Variants in SLC26A7 observed in about 807,000 individuals in gnomAD.
SLC26A7 encodes anion exchange transporter.
A neutral mutation model predicts 82.5 loss-of-function variants in SLC26A7; 59 were observed. The ratio of observed to expected loss-of-function variants is 0.72; its 90% CI spans 0.58 to 0.89. The LOEUF is 0.89. Ranked by LOEUF, SLC26A7 falls within the 40% of genes least tolerant of loss-of-function variation. The pLI, the probability that SLC26A7 is intolerant of heterozygous loss-of-function variation, is 0.00. For missense variants in SLC26A7, 820 were observed against 793.0 expected (o/e 1.03, Z -0.41); for synonymous variants, 271 against 274.3 (o/e 0.99, Z 0.12).
chr8:91,229,132 C>G (rs1216599215), intron 2 of SLC26A7, among the ~76,000 whole-genome samples: 3 of 152,168 alleles, frequency 2.0e-5, no homozygotes, highest in African/African-American at 7.2e-5. Flanking sequence ...GTCTCTCTCT[C>G]CATATGTTAT....
chr8:91,334,156 C>G (rs1813173630), intron 5 of SLC26A7, 139 bp from the exon 6 acceptor site: 2 of 739,582 alleles, frequency 2.7e-6, no homozygotes, highest in Non-Finnish European at 4.3e-6. Flanking sequence ...CACTGACTAC[C>G]CGCCTACCTA....
rs1163490591 is a variant in SLC26A7, at chr8:91,396,315, C to T, written c.*1218C>T. On this transcript the variant is annotated 3_prime_UTR_variant, in exon 19 of 19. Transcript: ENST00000276609. ...ATAATTATGCTTAAGCTTTTAACAGCATTTTAACCGCTCTAAAAATTACCA... is the reference window on the plus strand; with the variant it reads ...ATAATTATGCTTAAGCTTTTAACAGTATTTTAACCGCTCTAAAAATTACCA... 2.0e-5 allele frequency: 3 copies of T among 151,998 alleles called. No homozygotes were observed. The highest frequency in any genetic ancestry group is 7.2e-5 in the African/African-American group (3 of 41,436). The allele number at this position is 151,998 out of a possible 1,614,324, so 9.4% of individuals were successfully genotyped here.
chr8:91,370,052 A>C (rs1309803588), intron 15 of SLC26A7, among the ~76,000 whole-genome samples: 1 of 151,922 alleles, frequency 6.6e-6, no homozygotes, highest in Non-Finnish European at 1.5e-5. Context: ...TTATCTGCAG[A>C]AAACAGATTT....
At chr8:91,220,613 G>C (rs1043991366) in intron 2 of SLC26A7, among the ~76,000 whole-genome samples, 2 of 152,046 alleles carry the variant, frequency 1.3e-5, no homozygotes, top group African/African-American at 4.8e-5. Flanking sequence ...TTGGTTTTCT[G>C]TTCCCGTGCT....
chr8:91,251,698 A>G (rs567104800), intron 2 of SLC26A7, among the ~76,000 whole-genome samples: 1 of 152,152 alleles, frequency 6.6e-6, no homozygotes, highest in East Asian at 1.9e-4. Flanking sequence ...ACAGGAGAAA[A>G]TGGAGGTTTA....
chr8:91,267,282 T>C (rs556141902), intron 2 of SLC26A7, among the ~76,000 whole-genome samples: 7 of 152,038 alleles, frequency 4.6e-5, no homozygotes, highest in Admixed American at 4.6e-4. Flanking sequence ...AGAATGAGTT[T>C]GGCAGTATTC....
intron 8 of SLC26A7, 80 bp downstream of exon 8, chr8:91,340,631 T>C (rs1394882261): frequency 6.6e-7 from 1 of 1,516,402 alleles, no homozygotes; most frequent in Non-Finnish European, 9.1e-7. Flanking sequence ...ATGATGAACT[T>C]ATGAAAAATA....
At chr8:91,289,752 GA>G (rs1811814094) in intron 3 of SLC26A7, among the ~76,000 whole-genome samples, 1 of 152,150 alleles carries the variant, frequency 6.6e-6, no homozygotes, top group Non-Finnish European at 1.5e-5. Context: ...AAAAAACAGT[GA>G]AAAATATTTT....
chr8:91,263,975 T>TA (rs1222252500), intron 2 of SLC26A7, among the ~76,000 whole-genome samples: 1 of 151,786 alleles, frequency 6.6e-6, no homozygotes, highest in Non-Finnish European at 1.5e-5. Flanking sequence ...CATTTTTTTT[T>TA]AACAGTAGAA....
At chr8:91,224,934 GGGTTAGACCTGAAGA>G (rs1810212837) in intron 2 of SLC26A7, among the ~76,000 whole-genome samples, 1 of 152,236 alleles carries the variant, frequency 6.6e-6, no homozygotes, top group Non-Finnish European at 1.5e-5. Context: ...GGATGGGTCA[GGGTTAGACCTGAAGA>G]GGCACTCTGG....
Position 91,311,815 on chromosome 8 carries a change from C to A in SLC26A7, c.478-6401C>A, listed in dbSNP as rs1333022459. ...TCCACATGTAGCAGGGGAATAGGAG[C>A]AGGTAGGGGAATTATTAACTATGTA... is the stretch of plus-strand genomic sequence containing the variant. On this transcript the variant is annotated intron_variant, in intron 4 of 18. Coordinates refer to ENST00000276609, the MANE Select transcript of SLC26A7 (RefSeq NM_052832.4). Among the ~76,000 whole-genome samples, 4 of 152,044 alleles carry A rather than the reference C, an allele frequency of 2.6e-5. No homozygotes were observed. The East Asian group carries it at 7.7e-4, about 29-fold the overall frequency.
intron 2 of SLC26A7, among the ~76,000 whole-genome samples, chr8:91,252,096 C>A (rs1416836211): frequency 6.6e-6 from 1 of 152,064 alleles, no homozygotes; most frequent in East Asian, 1.9e-4. Context: ...AATTTTTGTT[C>A]TTGCATCATA....
chr8:91,322,064 G>C (rs186059511), intron 5 of SLC26A7, among the ~76,000 whole-genome samples: 1 of 152,244 alleles, frequency 6.6e-6, no homozygotes, highest in East Asian at 1.9e-4. Flanking sequence ...TGTCATTTAA[G>C]TAATAGATAC....
chr8:91,234,824 C>CTT (rs1563637490), intron 2 of SLC26A7, among the ~76,000 whole-genome samples: 5,773 of 116,272 alleles, frequency 0.05, 261 homozygotes, highest in African/African-American at 0.14. Context: ...TACCTACCTA[C>CTT]CTACTTCCTT....
At chr8:91,377,901 T>G (rs1210109801) in intron 15 of SLC26A7, among the ~76,000 whole-genome samples, 4 of 152,164 alleles carry the variant, frequency 2.6e-5, no homozygotes, top group Non-Finnish European at 4.4e-5. Context: ...ATTTAGGACA[T>G]GCCCATTCAC....
At chr8:91,284,763 G>A (rs1448680845) in intron 2 of SLC26A7, among the ~76,000 whole-genome samples, 1 of 152,146 alleles carries the variant, frequency 6.6e-6, no homozygotes, top group Non-Finnish European at 1.5e-5. Context: ...TTTCATTGGT[G>A]CTACTTTTAT....
At chr8:91,273,310 T>C (rs539134176) in intron 2 of SLC26A7, among the ~76,000 whole-genome samples, 1 of 152,254 alleles carries the variant, frequency 6.6e-6, no homozygotes, top group East Asian at 1.9e-4. Flanking sequence ...ATCATAAAGA[T>C]GTATATATTG....
At chr8:91,223,599 G>A (rs1313370057) in intron 2 of SLC26A7, among the ~76,000 whole-genome samples, 2 of 152,100 alleles carry the variant, frequency 1.3e-5, no homozygotes, top group Non-Finnish European at 2.9e-5. Context: ...CTTTCTCTAT[G>A]GCTGCCCTTA....
At chr8:91,327,108 C>CT (rs546501724) in intron 5 of SLC26A7, among the ~76,000 whole-genome samples, 16 of 151,988 alleles carry the variant, frequency 1.1e-4, no homozygotes, top group Non-Finnish European at 1.6e-4. Flanking sequence ...AGAATGTAGA[C>CT]TTTTTTTTGG....
Sources: allele counts gnomAD v4.1 joint callset (sites outside exome capture counted in the v4.1 genomes callset), GRCh38; gene constraint gnomAD v4.1.1; transcripts MANE v1.5; gene names NCBI Gene and HGNC (gene_info 2026-07-23, HGNC 2026-07-21).